PHF6: variants seen among roughly 807,000 people sequenced by gnomAD.
The protein encoded by PHF6 is PHD-like zinc finger protein.
A neutral mutation model predicts 34.0 loss-of-function variants in PHF6; 7 were observed. The ratio of observed to expected loss-of-function variants is 0.21; its 90% CI spans 0.12 to 0.39. The LOEUF is 0.39. Among genes scored for constraint, PHF6 ranks in the 10% least tolerant of loss-of-function variants. PHF6 has a pLI of 1.00. For missense variants in PHF6, 128 were observed against 262.8 expected, an observed-to-expected ratio of 0.49 and a Z score of 3.55; for synonymous variants, 89 against 88.4, an observed-to-expected ratio of 1.01 and a Z score of -0.04.
At chrX:134,389,089 G>GTT (rs1435283410) in intron 3 of PHF6, among the ~76,000 whole-genome samples, 2 of 111,497 alleles carry the variant, frequency 1.8e-5, no homozygotes, top group Non-Finnish European at 3.8e-5. Flanking sequence ...AATTATTAAG[G>GTT]TTTACTAGGT....
In PHF6 at chrX:134,374,862, T is replaced by C. The variant is rs187018926; in HGVS notation, c.-47+1395T>C. On this transcript the variant is annotated intron_variant, in intron 1 of 10. Coordinates refer to ENST00000370803, the MANE Select transcript of PHF6 (RefSeq NM_001015877.2). ...TTGTAGTATTTTCCATAATGCGATG[T>C]TTCTTTTAAAGAAAAGCCTTCATTG... 2.7e-5 allele frequency among the ~76,000 whole-genome samples: 3 copies of C among 112,485 alleles called. No homozygotes were observed. In the East Asian group the frequency reaches 8.3e-4, roughly 31 times the overall value.
At position 134,413,951 on chromosome X, in the gene PHF6, C is replaced by T. The variant is rs761180935; in HGVS notation, c.714C>T (p.Ala238=). The change falls in exon 7 of 11, where the codon GCC becomes GCT. Residue 238 remains alanine, a synonymous_variant. Transcript: ENST00000370803. ...TATTTAATGCCAAGAAGGCAGCTGC[C>T]CATTATAAGTGCATGGTAAGCATGG... ...LHIFNAKKAA[A]HYKCMLFSSG... is the part of the protein sequence containing the mutation. 43 of 1,207,577 alleles carry T rather than the reference C, an allele frequency of 3.6e-5. 1 individual carries two copies. The South Asian group carries it at 7.4e-4, about 21-fold the overall frequency.
chrX:134,394,430 C>T (rs752368161), intron 5 of PHF6, among the ~76,000 whole-genome samples: 4 of 110,859 alleles, frequency 3.6e-5, no homozygotes, highest in African/African-American at 1.3e-4. Context: ...TCGTGCCCGA[C>T]CAAGATCTGA....
At chrX:134,397,630 A>G (rs1288017408) in intron 5 of PHF6, among the ~76,000 whole-genome samples, 3 of 112,085 alleles carry the variant, frequency 2.7e-5, no homozygotes, top group Non-Finnish European at 3.8e-5. Context: ...AGCCTGGGTG[A>G]CAGAGCAAGA....
At chrX:134,397,519 C>T (rs181101877) in intron 5 of PHF6, among the ~76,000 whole-genome samples, 126 of 111,393 alleles carry the variant, frequency 1.1e-3, no homozygotes, top group African/African-American at 3.9e-3. Context: ...TATGGTGGCA[C>T]ACATCTGTAA....
At chrX:134,425,128 T>A (rs2077503892) in intron 9 of PHF6, 73 bp from the exon 10 acceptor site, 2 of 1,153,883 alleles carry the variant, frequency 1.7e-6, no homozygotes, top group South Asian at 1.8e-5. Flanking sequence ...ACTAGCCTCA[T>A]CCACTAATGT....
chrX:134,393,041 G>A (rs1469562688), intron 3 of PHF6, among the ~76,000 whole-genome samples: 3 of 111,674 alleles, frequency 2.7e-5, no homozygotes, highest in Admixed American at 9.5e-5. Context: ...CTTGTGATCT[G>A]CCTGCCTCTG....
At chrX:134,412,417 TAAAC>T (rs1463639182) in intron 5 of PHF6, among the ~76,000 whole-genome samples, 4 of 111,791 alleles carry the variant, frequency 3.6e-5, no homozygotes, top group South Asian at 7.4e-4. Context: ...TCATTTCTAA[TAAAC>T]AACCTTCAAA....
chrX:134,423,262 A>G (rs763164746), intron 9 of PHF6, among the ~76,000 whole-genome samples: 1 of 112,191 alleles, frequency 8.9e-6, no homozygotes, highest in South Asian at 3.7e-4. Flanking sequence ...AGGTCCATCC[A>G]TTGCATTTGA....
chrX:134,418,567 G>C (rs1433781041), intron 9 of PHF6: 1 of 111,686 alleles, frequency 9.0e-6, no homozygotes, highest in Non-Finnish European at 1.9e-5. Flanking sequence ...ATGTACACAA[G>C]CAGTCACCAA....
chrX:134,427,134 G>A lies in PHF6; in HGVS notation c.*1474G>A, dbSNP rs2077510201. The A allele has an allele frequency of 1.2e-5, 2 of 164,703 alleles. No homozygotes were observed. The highest frequency in any genetic ancestry group is 2.4e-5 in the Non-Finnish European group (2 of 84,739). The allele number at this position is 164,703 out of a possible 1,213,427, so 13.6% of individuals were successfully genotyped here. ...GTATTCACACATTTACTTAAATCAA[G>A]GGACTCAATGCTTGCTTTTATTTTA... On this transcript the variant is annotated 3_prime_UTR_variant, in exon 11 of 11. Transcript: ENST00000370803.
At position 134,383,238 on chromosome X, in the gene PHF6, G is replaced by T. The variant is rs754596827; in HGVS notation, c.240+5132G>T. ...AGCCTGGGTGATAAAGTGAGGTCCTGTCTCAAAAAAAAAAATTTTTTTTTG... is the reference window on the plus strand; with the variant it reads ...AGCCTGGGTGATAAAGTGAGGTCCTTTCTCAAAAAAAAAAATTTTTTTTTG... On this transcript the variant is annotated intron_variant, in intron 3 of 10. Transcript: ENST00000370803. Among the ~76,000 whole-genome samples, 10 of 101,272 alleles carry T rather than the reference G, an allele frequency of 9.9e-5. No individual in the cohort carries two copies. In the Admixed American group the frequency reaches 1.2e-3, roughly 12 times the overall value. 87.9% of individuals were successfully genotyped at this position (101,272 alleles called of 115,157 possible).
chrX:134,385,625 A>G (rs1235772060), intron 3 of PHF6, among the ~76,000 whole-genome samples: 2 of 112,281 alleles, frequency 1.8e-5, no homozygotes, highest in South Asian at 3.6e-4. Context: ...CAGGGAAGTC[A>G]TGGCGTAGCA....
At chrX:134,419,736 A>G (rs1337661950) in intron 9 of PHF6, 2 of 111,601 alleles carry the variant, frequency 1.8e-5, no homozygotes, top group African/African-American at 3.3e-5. Flanking sequence ...TGCCCAAACC[A>G]TGCACTTTTC....
intron 2 of PHF6, 51 bp downstream of exon 2, chrX:134,377,806 A>G: frequency 8.7e-7 from 1 of 1,155,636 alleles, no homozygotes; most frequent in Non-Finnish European, 1.2e-6. Context: ...TGAGACTCTT[A>G]ATAACACATG....
intron 5 of PHF6, among the ~76,000 whole-genome samples, chrX:134,398,718 A>C (rs1370934559): frequency 8.9e-6 from 1 of 111,838 alleles, no homozygotes; most frequent in African/African-American, 3.3e-5. Context: ...GGCGTATCCA[A>C]ATGGGTGACG....
At position 134,427,857 on chromosome X, in the gene PHF6, A is replaced by G. The variant is rs952344191; in HGVS notation, c.*2197A>G. On this transcript the variant is annotated 3_prime_UTR_variant, in exon 11 of 11. Coordinates refer to ENST00000370803, the MANE Select transcript of PHF6 (RefSeq NM_001015877.2). ...ACATGCTGAGTAAAAGTGCCTTACA[A>G]TGTAAAAATTGTACAGTACTTATGT... The G allele has an allele frequency of 3.8e-5, 6 of 157,535 alleles. No individual in the cohort carries two copies. Among genetic ancestry groups the G allele is most frequent in the Admixed American group, 1.7e-4 (2 of 11,962 alleles). The allele number at this position is 157,535 out of a possible 1,213,427, so 13.0% of individuals were successfully genotyped here.
rs1215070470 is a variant in PHF6, at chrX:134,373,398, C to T, written c.-116C>T. 2 of 112,982 alleles carry T rather than the reference C, an allele frequency of 1.8e-5. No homozygotes were observed. Among genetic ancestry groups the T allele is most frequent in the African/African-American group, 6.4e-5 (2 of 31,122 alleles). The allele number at this position is 112,982 out of a possible 1,213,427, so 9.3% of individuals were successfully genotyped here. On this transcript the variant is annotated 5_prime_UTR_variant, in exon 1 of 11. Coordinates refer to ENST00000370803, the MANE Select transcript of PHF6 (RefSeq NM_001015877.2). ...CCCGCTCTCAGGCACTGCTGGAGAA[C>T]CGAGACCGACTTCTTTCTCTTTACC... is the stretch of plus-strand genomic sequence containing the variant.
chrX:134,422,964 C>T (rs1372791133), intron 9 of PHF6, among the ~76,000 whole-genome samples: 1 of 112,308 alleles, frequency 8.9e-6, no homozygotes, highest in African/African-American at 3.2e-5. Context: ...TAAGCAAAAA[C>T]AGAATAGTAT....
Sources: allele counts gnomAD v4.1 joint callset (sites outside exome capture counted in the v4.1 genomes callset), GRCh38; gene constraint gnomAD v4.1.1; transcripts MANE v1.5; gene names NCBI Gene and HGNC (gene_info 2026-07-23, HGNC 2026-07-21).